SPIN3: variants seen among roughly 807,000 people sequenced by gnomAD.
SPIN3 encodes spindlin family member 3.
For synonymous variants in SPIN3, 74 were observed against 74.3 expected (o/e 1.00, Z 0.02); for missense variants, 176 against 196.4 (o/e 0.90, Z 0.62).
exon 6 of SPIN3, chrX:56,976,910 G>A (rs906817278): frequency 1.8e-5 from 2 of 111,792 alleles, no homozygotes; most frequent in Non-Finnish European, 3.8e-5. Flanking sequence ...AATAATTGCA[G>A]AAAGAAAAAG....
chrX:56,975,935 C>T (rs1923999456), downstream of SPIN3: 3 of 111,300 alleles, frequency 2.7e-5, no homozygotes, highest in Admixed American at 2.9e-4. Flanking sequence ...CATAGGGATT[C>T]CCTTTATAGG....
chrX:56,975,858 AGTGGTT>A (rs1398699526), downstream of SPIN3: 1 of 75,436 alleles, frequency 1.3e-5, no homozygotes, highest in African/African-American at 3.4e-5. Flanking sequence ...CACCTTATTG[AGTGGTT>A]GGTCCACTTT....
At chrX:56,986,932 G>A (rs1324262703), downstream of SPIN3, among the ~76,000 whole-genome samples, 4 of 112,051 alleles carry the variant, frequency 3.6e-5, no homozygotes, top group Non-Finnish European at 7.5e-5. Flanking sequence ...AGGAGTTCAA[G>A]ACCAGCCTGA....
downstream of SPIN3, among the ~76,000 whole-genome samples, chrX:56,990,198 G>A (rs892839407): frequency 5.4e-5 from 6 of 111,413 alleles, no homozygotes; most frequent in Non-Finnish European, 1.1e-4. Flanking sequence ...GACTGCTGTA[G>A]CCTGGAACTG....
chrX:56,981,026 G>A (rs1311252246), intron 3 of SPIN3, among the ~76,000 whole-genome samples: 1 of 104,376 alleles, frequency 9.6e-6, no homozygotes, highest in Admixed American at 1.0e-4. Flanking sequence ...TAATAATACT[G>A]GGACAAACAG....
rs1325392645 is a variant in SPIN3, at chrX:56,991,239, G to C, written c.*2932C>G. Reference sequence around the variant, plus strand: ...GGATTGGAGAACATGGCTTGGACCTGAGGCTGAAATGAACTTCTATCATAA... The same window carrying C: ...GGATTGGAGAACATGGCTTGGACCTCAGGCTGAAATGAACTTCTATCATAA... On this transcript the variant is annotated 3_prime_UTR_variant, in exon 2 of 2. Transcript: ENST00000374919. The C allele has an allele frequency of 8.9e-6, 1 of 112,074 alleles. No individual in the cohort carries two copies. The highest frequency in any genetic ancestry group is 3.2e-5 in the African/African-American group (1 of 30,895). 9.2% of individuals were successfully genotyped at this position (112,074 alleles called of 1,213,427 possible). A position where few individuals can be genotyped will look rare whatever the true frequency, so the allele number is the denominator to read the frequency against.
chrX:56,979,508 GATTT>G (rs1924072468), intron 3 of SPIN3: 1 of 112,260 alleles, frequency 8.9e-6, no homozygotes, highest in East Asian at 2.8e-4. Flanking sequence ...TTCCAAGTGA[GATTT>G]ATTTTGTTAT....
chrX:56,985,602 A>G (rs1602739871), intron 2 of SPIN3, among the ~76,000 whole-genome samples: 2 of 112,230 alleles, frequency 1.8e-5, no homozygotes, highest in South Asian at 7.5e-4. Flanking sequence ...ATTGACCCCA[A>G]GGGCGCTGCT....
At chrX:56,979,303 T>G (rs994005569) in intron 3 of SPIN3, 3 of 111,030 alleles carry the variant, frequency 2.7e-5, no homozygotes, top group African/African-American at 9.8e-5. Flanking sequence ...CCTACCTATA[T>G]GGCAGTCAGT....
chrX:56,978,691 C>A (rs1924054627), intron 3 of SPIN3: 1 of 111,324 alleles, frequency 9.0e-6, no homozygotes, highest in Admixed American at 9.6e-5. Context: ...GGGTTTAGCA[C>A]CACCAGAAGC....
At position 56,992,459 on chromosome X, in the gene SPIN3, G is replaced by A; in HGVS notation, c.*1712C>T. ...AGTCAAACATCATAGTAGAGACTTA[G>A]TGGCATCAAAAAGCAAAAGTAGACA... On this transcript the variant is annotated 3_prime_UTR_variant, in exon 2 of 2. Transcript: ENST00000374919. 2 of 297,378 alleles carry A rather than the reference G, an allele frequency of 6.7e-6. No individual in the cohort carries two copies. The highest frequency in any genetic ancestry group is 1.2e-5 in the Non-Finnish European group (2 of 170,313). The allele number at this position is 297,378 out of a possible 1,213,427, so 24.5% of individuals were successfully genotyped here. A position where few individuals can be genotyped will look rare whatever the true frequency, so the allele number is the denominator to read the frequency against.
exon 6 of SPIN3, chrX:56,976,483 G>A (rs1026695224): frequency 9.0e-6 from 1 of 111,617 alleles, no homozygotes; most frequent in Non-Finnish European, 1.9e-5. Flanking sequence ...CAATTTCTCT[G>A]AGGAAATTAA....
intron 2 of SPIN3, chrX:56,984,571 G>A: frequency 3.2e-6 from 1 of 315,014 alleles, no homozygotes; most frequent in Non-Finnish European, 6.1e-6. Context: ...TGGGAAGGAG[G>A]AAGGCCAAAA....
At chrX:56,994,979 A>G in intron 1 of SPIN3, 30 bp from the exon 2 acceptor site, 4 of 1,138,157 alleles carry the variant, frequency 3.5e-6, no homozygotes, top group Non-Finnish European at 4.6e-6. Flanking sequence ...TGCCAGGTGG[A>G]CCGAGAAAGG....
chrX:56,977,457 AGAG>A (rs1055398721), intron 5 of SPIN3: 3 of 112,231 alleles, frequency 2.7e-5, no homozygotes, highest in African/African-American at 9.7e-5. Context: ...AAAAATTTAT[AGAG>A]GAGGATATAT....
chrX:56,978,529 A>G (rs1313555114), intron 4 of SPIN3: 7 of 111,802 alleles, frequency 6.3e-5, no homozygotes, highest in Non-Finnish European at 1.3e-4. Flanking sequence ...TCAGTGTAGC[A>G]TTTTCCTTCT....
rs1924413984 is a variant in SPIN3, at chrX:56,993,908, T to C, written c.*263A>G. The C allele has an allele frequency of 1.0e-5, 3 of 292,579 alleles. No homozygotes were observed. The highest frequency in any genetic ancestry group is 1.2e-4 in the Admixed American group (2 of 17,283). 24.1% of individuals were successfully genotyped at this position (292,579 alleles called of 1,213,427 possible). A position where few individuals can be genotyped will look rare whatever the true frequency, so the allele number is the denominator to read the frequency against. On this transcript the variant is annotated 3_prime_UTR_variant, in exon 2 of 2. Coordinates refer to ENST00000374919, the MANE Select transcript of SPIN3 (RefSeq NM_001010862.3). ...TTTAATCTATTAACACCACCCAAGA[T>C]AAAAAAAAGTATGAGCCAATGGATG... is the stretch of plus-strand genomic sequence containing the variant.
downstream of SPIN3, among the ~76,000 whole-genome samples, chrX:56,990,286 A>G (rs5914036): frequency 0.55 from 60,724 of 110,428 alleles, 14,577 homozygotes; most frequent in Non-Finnish European, 0.75. Flanking sequence ...CTAAAGAATC[A>G]TAAACACTGA....
In SPIN3 at chrX:56,995,288, T is replaced by G; in HGVS notation, c.-75A>C. The stretch of plus-strand genomic sequence containing the variant: ...AGTGCACAAATCGGACACCTCGCCG[T>G]TGCCTCCGCAGTGAGCCTATGGAGG... On this transcript the variant is annotated 5_prime_UTR_variant, in exon 1 of 2. Transcript: ENST00000374919. The G allele has an allele frequency of 4.5e-6, 1 of 223,102 alleles. No individual in the cohort carries two copies. 18.4% of individuals were successfully genotyped at this position (223,102 alleles called of 1,213,427 possible). A position where few individuals can be genotyped will look rare whatever the true frequency, so the allele number is the denominator to read the frequency against.
Sources: gnomAD v4.1 joint callset for allele counts (sites outside exome capture counted in the v4.1 genomes callset) on GRCh38, gnomAD v4.1.1 for gene constraint, MANE v1.5 for transcripts, NCBI Gene and HGNC (gene_info 2026-07-23, HGNC 2026-07-21) for gene names.